The following TNIK variants were observed in gnomAD, a reference collection of about 807,000 sequenced individuals.
TNIK encodes TRAF2 and NCK interacting kinase, also known as TRAF2 and NCK-interacting protein kinase.
A neutral mutation model predicts 191.3 loss-of-function variants in TNIK; 49 were observed. The observed-to-expected ratio is 0.26, with a 90% CI of 0.20 to 0.32. The LOEUF (loss-of-function observed/expected upper bound fraction) is 0.32, where lower values mean the gene tolerates loss of function less well. TNIK is among the 10% of genes least tolerant of loss of function. TNIK has a pLI of 1.00. For missense variants in TNIK, 1,155 were observed against 1,702.3 expected, an observed-to-expected ratio of 0.68 and a Z score of 5.66; for synonymous variants, 594 against 600.9, an observed-to-expected ratio of 0.99 and a Z score of 0.17.
intron 1 of TNIK, among the ~76,000 whole-genome samples, chr3:171,375,569 G>A (rs1240106176): frequency 1.3e-5 from 2 of 152,158 alleles, no homozygotes; most frequent in African/African-American, 2.4e-5. Context: ...GCAGGCTCAA[G>A]CCCAGCTTCA....
At chr3:171,459,225 G>GAC (rs10656785) in intron 1 of TNIK, among the ~76,000 whole-genome samples, 31,974 of 150,408 alleles carry the variant, frequency 0.21, 3,394 homozygotes, top group East Asian at 0.32. Context: ...AACACACACA[G>GAC]ACACACACAC....
intron 2 of TNIK, among the ~76,000 whole-genome samples, chr3:171,318,520 A>C (rs1334570361): frequency 6.6e-6 from 1 of 152,172 alleles, no homozygotes. Context: ...TTATAAGGAA[A>C]TATTGTAAAC....
intron 2 of TNIK, among the ~76,000 whole-genome samples, chr3:171,354,821 C>T (rs1380826823): frequency 1.3e-5 from 2 of 152,112 alleles, no homozygotes; most frequent in Non-Finnish European, 2.9e-5. Flanking sequence ...AGTACTTAGG[C>T]CAAATTTCAA....
At chr3:171,253,589 TC>T (rs67388870) in intron 2 of TNIK, among the ~76,000 whole-genome samples, 2,523 of 121,590 alleles carry the variant, frequency 0.021, 41 homozygotes, top group Middle Eastern at 0.039. Flanking sequence ...AGAAGACAGG[TC>T]CCCCCCCCAC....
intron 14 of TNIK, 58 bp from the exon 15 acceptor site, chr3:171,138,437 C>CTATGT (rs1436296932): frequency 1.5e-4 from 212 of 1,428,134 alleles, no homozygotes; most frequent in Non-Finnish European, 1.9e-4. Context: ...TAGAAATCAT[C>CTATGT]GGCCAGTACC....
At chr3:171,106,619 C>A (rs768421716) in intron 21 of TNIK, 1 of 515,634 alleles carries the variant, frequency 1.9e-6, no homozygotes, top group East Asian at 5.6e-5. Flanking sequence ...CTACAACTGA[C>A]AAAGCCATAT....
At chr3:171,253,597 C>T (rs565565721) in intron 2 of TNIK, among the ~76,000 whole-genome samples, 1 of 138,098 alleles carries the variant, frequency 7.2e-6, no homozygotes, top group African/African-American at 2.6e-5. Flanking sequence ...GGTCCCCCCC[C>T]CACCCCACCC....
chr3:171,213,009 A>C (rs780212758), intron 3 of TNIK, among the ~76,000 whole-genome samples: 1 of 152,120 alleles, frequency 6.6e-6, no homozygotes, highest in African/African-American at 2.4e-5. Flanking sequence ...GCTAAGGAGA[A>C]GCATGTGGCC....
chr3:171,439,480 T>A (rs1726479792), intron 1 of TNIK: 1 of 151,506 alleles, frequency 6.6e-6, no homozygotes, highest in Admixed American at 6.6e-5. Context: ...TCACAAGATG[T>A]GGCTGCATTA....
At chr3:171,340,343 G>A (rs1045183484) in intron 2 of TNIK, among the ~76,000 whole-genome samples, 1 of 152,150 alleles carries the variant, frequency 6.6e-6, no homozygotes, top group Non-Finnish European at 1.5e-5. Flanking sequence ...TTGTAAACCA[G>A]TTCTAAAGCA....
At chr3:171,383,370 T>C (rs1008498729) in intron 1 of TNIK, among the ~76,000 whole-genome samples, 1 of 152,196 alleles carries the variant, frequency 6.6e-6, no homozygotes, top group African/African-American at 2.4e-5. Context: ...AACCTGCTTT[T>C]TGAGCCACTG....
chr3:171,171,092 CAT>C (rs959765759), intron 9 of TNIK, among the ~76,000 whole-genome samples: 1 of 151,976 alleles, frequency 6.6e-6, no homozygotes, highest in Non-Finnish European at 1.5e-5. Flanking sequence ...ACTAAGTAAA[CAT>C]AGAGTTCTTT....
At chr3:171,214,879 G>A (rs377646757) in intron 3 of TNIK, among the ~76,000 whole-genome samples, 22 of 152,290 alleles carry the variant, frequency 1.4e-4, no homozygotes, top group Middle Eastern at 3.4e-3. Flanking sequence ...TGTAGCTTTA[G>A]TATTAATATA....
chr3:171,455,731 T>G (rs1463655342), intron 1 of TNIK, among the ~76,000 whole-genome samples: 1 of 152,212 alleles, frequency 6.6e-6, no homozygotes, highest in African/African-American at 2.4e-5. Flanking sequence ...TGATTCTTAT[T>G]AACTATGGTT....
chr3:171,319,130 G>C (rs958055472), intron 2 of TNIK, among the ~76,000 whole-genome samples: 2 of 152,130 alleles, frequency 1.3e-5, no homozygotes, highest in African/African-American at 4.8e-5. Flanking sequence ...CGTGAGCTTT[G>C]ATCCTGCTAC....
intron 17 of TNIK, 48 bp from the exon 18 acceptor site, chr3:171,123,750 T>C (rs1036238798): frequency 2.1e-6 from 3 of 1,426,472 alleles, no homozygotes; most frequent in African/African-American, 2.9e-5. Context: ...GTAGCTTCCA[T>C]AGCCTGTTGT....
intron 2 of TNIK, among the ~76,000 whole-genome samples, chr3:171,344,018 T>C (rs1008791473): frequency 3.3e-5 from 5 of 152,208 alleles, no homozygotes; most frequent in African/African-American, 1.2e-4. Flanking sequence ...CTCCTTCCCA[T>C]TGCTCAACTT....
At chr3:171,316,800 A>C (rs1754646104) in intron 2 of TNIK, among the ~76,000 whole-genome samples, 1 of 151,902 alleles carries the variant, frequency 6.6e-6, no homozygotes, top group Non-Finnish European at 1.5e-5. Flanking sequence ...TATTACTATA[A>C]GGAGTATTTG....
intron 23 of TNIK, 138 bp from the exon 24 acceptor site, chr3:171,087,644 AT>A: frequency 1.0e-6 from 1 of 979,646 alleles, no homozygotes; most frequent in Non-Finnish European, 1.5e-6. Context: ...TCACATTTCT[AT>A]TTTACTTAAG....
Sources: gnomAD v4.1 joint callset for allele counts (sites outside exome capture counted in the v4.1 genomes callset) on GRCh38, gnomAD v4.1.1 for gene constraint, MANE v1.5 for transcripts, NCBI Gene and HGNC (gene_info 2026-07-23, HGNC 2026-07-21) for gene names.